MPND: variants seen among roughly 807,000 people sequenced by gnomAD.
MPND encodes MPN domain-containing protein.
A neutral mutation model predicts 59.2 loss-of-function variants in MPND; 56 were observed. The ratio of observed to expected loss-of-function variants is 0.95; its 90% CI spans 0.76 to 1.18. MPND has a LOEUF of 1.18. Among genes scored for constraint, MPND ranks in the 50% most tolerant of loss-of-function variants. The pLI is 0.00. For synonymous variants in MPND, 323 were observed against 291.9 expected (o/e 1.11, Z -1.09); for missense variants, 671 against 676.0 (o/e 0.99, Z 0.08).
chr19:4,352,034 A>G (rs62129342), intron 3 of MPND, among the ~76,000 whole-genome samples: 62,907 of 150,166 alleles, frequency 0.42, 13,524 homozygotes, highest in Non-Finnish European at 0.48. Flanking sequence ...TTAGCCAGGC[A>G]TGGTGGTGGG....
At chr19:4,348,394 G>A (rs1033659534) in intron 3 of MPND, among the ~76,000 whole-genome samples, 1 of 149,964 alleles carries the variant, frequency 6.7e-6, no homozygotes, top group Non-Finnish European at 1.5e-5. Flanking sequence ...TTGAGTAGCT[G>A]GGATTACAGG....
At chr19:4,358,052 G>A in intron 10 of MPND, 31 bp from the exon 11 acceptor site, 2 of 1,538,684 alleles carry the variant, frequency 1.3e-6, no homozygotes, top group South Asian at 1.2e-5. Context: ...GGGCTGGTGA[G>A]GCTTCTCTCA....
At chr19:4,346,013 C>T (rs1219103606) in intron 3 of MPND, 32 bp downstream of exon 3, 2 of 1,577,716 alleles carry the variant, frequency 1.3e-6, no homozygotes, top group African/African-American at 2.7e-5. Flanking sequence ...AGGAAGCCGC[C>T]CAGGTCACTG....
Position 4,343,794 on chromosome 19 carries a change from C to G in MPND, c.94C>G (p.Arg32Gly). 8.3e-7 allele frequency: 1 copy of G among 1,207,016 alleles called. No individual in the cohort carries two copies. The highest frequency in any genetic ancestry group is 1.6e-5 in the African/African-American group (1 of 62,982). 74.8% of individuals were successfully genotyped at this position (1,207,016 alleles called of 1,614,324 possible). Residue 32 changes from arginine to glycine, a missense_variant, in exon 2 of 13, where the codon CGG becomes GGG. Transcript: ENST00000599840. ...CGAAGCGGAGGCCGAGGACCCTGAGCGGCCGAATGCGGGAGCGGGCGGTGG... is the reference window on the plus strand; with the variant it reads ...CGAAGCGGAGGCCGAGGACCCTGAGGGGCCGAATGCGGGAGCGGGCGGTGG... ...EDEAEAEDPERPNAGAGGGRS... is the reference protein window; with the variant it reads ...EDEAEAEDPEGPNAGAGGGRS...
intron 3 of MPND, among the ~76,000 whole-genome samples, chr19:4,351,822 A>G (rs1461202423): frequency 7.4e-6 from 1 of 135,406 alleles, no homozygotes; most frequent in Non-Finnish European, 1.5e-5. Context: ...AGATCATGCC[A>G]CTGCACTCCA....
intron 5 of MPND, 88 bp downstream of exon 5, chr19:4,354,217 G>A: frequency 6.6e-7 from 1 of 1,513,994 alleles, no homozygotes; most frequent in Non-Finnish European, 9.0e-7. Context: ...GTGGGGGGTG[G>A]GACAGAGCCT....
At chr19:4,357,655 G>A in intron 10 of MPND, 70 bp downstream of exon 10, 1 of 1,464,948 alleles carries the variant, frequency 6.8e-7, no homozygotes, top group Non-Finnish European at 9.3e-7. Context: ...GACTAGGCAG[G>A]GGCCCCTGGT....
chr19:4,359,871 C>A (rs1396272022), intron 12 of MPND, 45 bp from the exon 13 acceptor site: 3 of 1,496,220 alleles, frequency 2.0e-6, no homozygotes, highest in African/African-American at 1.4e-5. Flanking sequence ...GCAGGGCTGG[C>A]TAGGACCCCC....
rs1972122214 is a variant in MPND, at chr19:4,343,774, C to T, written c.74C>T (p.Ala25Val). The change falls in exon 2 of 13, where the codon GCG becomes GTG. Residue 25 changes from alanine to valine, a missense_variant. By Grantham distance (64) the Ala-to-Val change is moderately conservative. Coordinates refer to ENST00000599840, the MANE Select transcript of MPND (RefSeq NM_001300862.2). ...GCGCCGGAGGAGGACGAGGACGAAG[C>T]GGAGGCCGAGGACCCTGAGCGGCCG... ...EEAPEEDEDE[A>V]EAEDPERPNA... The T allele has an allele frequency of 7.5e-6, 9 of 1,206,104 alleles. No individual in the cohort carries two copies. The African/African-American group carries it at 1.1e-4, about 15-fold the overall frequency. 74.7% of individuals were successfully genotyped at this position (1,206,104 alleles called of 1,614,324 possible). A position where few individuals can be genotyped will look rare whatever the true frequency, so the allele number is the denominator to read the frequency against.
chr19:4,352,760 C>T (rs1972347187), intron 3 of MPND, 137 bp from the exon 4 acceptor site: 2 of 777,178 alleles, frequency 2.6e-6, no homozygotes, highest in Non-Finnish European at 1.8e-6. Flanking sequence ...CTTCTCTGCT[C>T]CCTCCCTCCC....
intron 3 of MPND, among the ~76,000 whole-genome samples, chr19:4,350,444 T>C (rs60930749): frequency 0.14 from 20,818 of 151,786 alleles, 2,180 homozygotes; most frequent in African/African-American, 0.28. Flanking sequence ...CTGTGGGGAC[T>C]AGACTGTCGG....
chr19:4,357,402 C>G lies in MPND; in HGVS notation c.1146C>G (p.Pro382=). 1 of 1,612,686 alleles carries G rather than the reference C, an allele frequency of 6.2e-7. No homozygotes were observed. Among genetic ancestry groups the G allele is most frequent in the South Asian group, 1.1e-5 (1 of 91,002 alleles). ...AGGGCTCCAGCAATGGCTTCCAGCC[C>G]TGCCTCGCCCTGCTCTGCTGTACGC... ...RLQGSSNGFQ[P]CLALLCSPYY... The change falls in exon 9 of 13, where the codon CCC becomes CCG. Residue 382 remains proline (P), a synonymous_variant. Transcript: ENST00000599840.
intron 8 of MPND, chr19:4,356,946 T>C (rs554931002): frequency 3.6e-6 from 1 of 279,156 alleles, no homozygotes; most frequent in East Asian, 6.1e-5. Context: ...AGCCTAGTTT[T>C]AACTGTTTGT....
At position 4,345,818 on chromosome 19, in the gene MPND, C is replaced by T. The variant is rs1379408187; in HGVS notation, c.368C>T (p.Ser123Leu). The change falls in exon 3 of 13, where the codon TCA becomes TTA. Residue 123 changes from serine (S) to leucine (L), a missense_variant. Ser to Leu is a moderately radical substitution (Grantham distance 145). Transcript: ENST00000599840. ...CAGGAGACCGGGCAGACCTTCAACT[C>T]ACCCAGCGCCTGGGCCACCCACTGC... Reference protein sequence around the residue: ...MWQETGQTFNSPSAWATHCKK... With the variant: ...MWQETGQTFNLPSAWATHCKK... 1.9e-6 allele frequency: 3 copies of T among 1,613,970 alleles called. No homozygotes were observed. The highest frequency in any genetic ancestry group is 1.1e-5 in the South Asian group (1 of 91,078).
chr19:4,357,356 T>G lies in MPND; in HGVS notation c.1100T>G (p.Met367Arg), dbSNP rs757656084. 1 of 1,613,260 alleles carries G rather than the reference T, an allele frequency of 6.2e-7. No individual in the cohort carries two copies. The highest frequency in any genetic ancestry group is 1.7e-5 in the Admixed American group (1 of 60,012). The change falls in exon 9 of 13, where the codon ATG (methionine) becomes AGG (arginine). Residue 367 changes from methionine to arginine, a missense_variant. By Grantham distance (91) the Met-to-Arg change is moderately conservative. Transcript: ENST00000599840. ...LPSLQDIDAQ[M>R]DYQLRLQGSS... ...TCTCTGCAGGACATCGACGCACAGA[T>G]GGACTACCAGCTGCGGCTGCAGGGC...
Position 4,357,440 on chromosome 19 carries a change from T to TGGGGGGAGCAAGGA in MPND, c.1165+27_1165+40dup. 2.5e-6 allele frequency: 4 copies of TGGGGGGAGCAAGGA among 1,608,868 alleles called. No individual in the cohort carries two copies. The stretch of plus-strand genomic sequence containing the variant: ...CTCTGCTGTACGCGGGATGGGGCTG[T>TGGGGGGAGCAAGGA]GGGGGGAGCAAGGAGGGGGGATGCT... On this transcript the variant is annotated intron_variant, in intron 9 of 12. Coordinates refer to ENST00000599840, the MANE Select transcript of MPND (RefSeq NM_001300862.2).
chr19:4,357,615 G>A (rs541692647), intron 10 of MPND, 30 bp downstream of exon 10: 103 of 1,587,260 alleles, frequency 6.5e-5, no homozygotes, highest in Non-Finnish European at 8.8e-5. Flanking sequence ...GAGCCTGGGG[G>A]GCCCGGGAGC....
At chr19:4,355,258 G>T in intron 8 of MPND, 85 bp downstream of exon 8, 1 of 1,418,118 alleles carries the variant, frequency 7.1e-7, no homozygotes, top group Non-Finnish European at 9.8e-7. Flanking sequence ...GGCTGGCAGT[G>T]TCATCACCCA....
At chr19:4,351,258 C>G (rs148420823) in intron 3 of MPND, among the ~76,000 whole-genome samples, 5,245 of 152,176 alleles carry the variant, frequency 0.034, 106 homozygotes, top group Non-Finnish European at 0.056. Flanking sequence ...TGTTCGCCAC[C>G]ATGCCTGGCT....
Sources: gnomAD v4.1 joint callset for allele counts (sites outside exome capture counted in the v4.1 genomes callset) on GRCh38, gnomAD v4.1.1 for gene constraint, MANE v1.5 for transcripts, NCBI Gene and HGNC (gene_info 2026-07-23, HGNC 2026-07-21) for gene names.